The following MYMX variants were observed in gnomAD, a reference collection of about 807,000 sequenced individuals.
MYMX encodes the protein protein myomixer.
the MYMX span, among the ~76,000 whole-genome samples, chr6:44,205,801 T>C: frequency 6.6e-6 from 1 of 151,532 alleles, no homozygotes; most frequent in East Asian, 1.9e-4. Context: ...AGAGCAAGAC[T>C]TCTTCTCAAA....
the MYMX span, among the ~76,000 whole-genome samples, chr6:44,209,040 T>C: frequency 6.6e-5 from 10 of 152,366 alleles, no homozygotes; most frequent in East Asian, 1.7e-3. Context: ...CTCAGCTCAC[T>C]GCAACCTCCG....
the MYMX span, among the ~76,000 whole-genome samples, chr6:44,206,484 G>A: frequency 3.9e-5 from 6 of 152,204 alleles, no homozygotes; most frequent in Admixed American, 1.3e-4. Context: ...CACCTGCCTC[G>A]GCCTCCCAAA....
chr6:44,203,157 T>A, the MYMX span, among the ~76,000 whole-genome samples: 1 of 152,056 alleles, frequency 6.6e-6, no homozygotes, highest in African/African-American at 2.4e-5. Flanking sequence ...CTGCCGTTCC[T>A]CCCCTCGAGA....
chr6:44,195,554 C>A, the MYMX span, among the ~76,000 whole-genome samples: 1 of 152,026 alleles, frequency 6.6e-6, no homozygotes, highest in Non-Finnish European at 1.5e-5. Flanking sequence ...GCAGCCTCAA[C>A]TTTCCGGGCT....
At chr6:44,204,502 G>A in the MYMX span, among the ~76,000 whole-genome samples, 1 of 152,162 alleles carries the variant, frequency 6.6e-6, no homozygotes, top group Admixed American at 6.5e-5. Context: ...ATTTCAAGCT[G>A]GTTATTTTAA....
At chr6:44,198,237 A>G in the MYMX span, among the ~76,000 whole-genome samples, 3 of 129,330 alleles carry the variant, frequency 2.3e-5, no homozygotes, top group Admixed American at 2.0e-4. Context: ...ATCTCGGCTC[A>G]CTGCAACCTC....
At chr6:44,212,104 T>A (rs1026323946), upstream of MYMX, among the ~76,000 whole-genome samples, 2 of 152,016 alleles carry the variant, frequency 1.3e-5, no homozygotes, top group Non-Finnish European at 2.9e-5. Flanking sequence ...TGTTGTCTAC[T>A]GGGTATGGTG....
the MYMX span, among the ~76,000 whole-genome samples, chr6:44,205,636 C>T: frequency 2.0e-5 from 3 of 151,992 alleles, no homozygotes; most frequent in African/African-American, 7.3e-5. Context: ...TGGTGAAACC[C>T]CATCTCTACT....
the MYMX span, among the ~76,000 whole-genome samples, chr6:44,211,823 T>TGTGTG: frequency 3.3e-5 from 5 of 150,706 alleles, no homozygotes; most frequent in East Asian, 1.9e-4. Flanking sequence ...TGTGTGTGTG[T>TGTGTG]TTAGTAGAGA....
upstream of MYMX, among the ~76,000 whole-genome samples, chr6:44,214,551 C>T (rs188085842): frequency 1.2e-4 from 19 of 152,214 alleles, no homozygotes; most frequent in Admixed American, 5.9e-4. Flanking sequence ...TAATTGCTCC[C>T]CTGCAGGGTG....
the MYMX span, among the ~76,000 whole-genome samples, chr6:44,199,342 G>A: frequency 2.0e-5 from 3 of 151,984 alleles, no homozygotes; most frequent in Non-Finnish European, 4.4e-5. Context: ...GACTACAGGT[G>A]TGTGCCACTG....
chr6:44,195,780 C>T, the MYMX span, among the ~76,000 whole-genome samples: 2 of 152,140 alleles, frequency 1.3e-5, no homozygotes, highest in Non-Finnish European at 2.9e-5. Context: ...GTTTTTGATA[C>T]TTATCCCTTT....
the MYMX span, among the ~76,000 whole-genome samples, chr6:44,204,887 A>T: frequency 1.7e-4 from 26 of 152,352 alleles, no homozygotes; most frequent in African/African-American, 6.0e-4. Flanking sequence ...TTTAATTCAT[A>T]GACCTGCCAA....
chr6:44,193,554 A>G, the MYMX span, among the ~76,000 whole-genome samples: 1 of 152,174 alleles, frequency 6.6e-6, no homozygotes, highest in African/African-American at 2.4e-5. Context: ...TCCACAGTCC[A>G]TTTGCTTAAC....
chr6:44,198,152 CTCTT>C, the MYMX span, among the ~76,000 whole-genome samples: 36 of 137,278 alleles, frequency 2.6e-4, 1 homozygote, highest in Non-Finnish European at 3.7e-4. Context: ...TCCCAAATTC[CTCTT>C]TTTTTTTTTT....
chr6:44,201,905 C>A, the MYMX span, among the ~76,000 whole-genome samples: 1 of 152,200 alleles, frequency 6.6e-6, no homozygotes, highest in Non-Finnish European at 1.5e-5. Flanking sequence ...CCAGAGGGGC[C>A]CTGAGAGAGG....
chr6:44,212,959 T>G (rs1000294888), upstream of MYMX, among the ~76,000 whole-genome samples: 1 of 151,008 alleles, frequency 6.6e-6, no homozygotes, highest in African/African-American at 2.4e-5. Context: ...GCCCAGAAGG[T>G]CGAGGCTGCA....
chr6:44,213,359 G>A (rs937555417), upstream of MYMX, among the ~76,000 whole-genome samples: 1 of 142,354 alleles, frequency 7.0e-6, no homozygotes, highest in African/African-American at 3.1e-5. Context: ...GCACTCCAGC[G>A]TGGGCAACAA....
At chr6:44,209,215 C>T in the MYMX span, among the ~76,000 whole-genome samples, 5 of 152,330 alleles carry the variant, frequency 3.3e-5, no homozygotes, top group East Asian at 9.6e-4. Context: ...CTTCCTGCCT[C>T]AGCCTCCCAA....
Sources: gnomAD v4.1 joint callset for allele counts (sites outside exome capture counted in the v4.1 genomes callset) on GRCh38, gnomAD v4.1.1 for gene constraint, MANE v1.5 for transcripts, NCBI Gene and HGNC (gene_info 2026-07-23, HGNC 2026-07-21) for gene names.